The following SLCO3A1 variants were observed in gnomAD, a reference collection of about 807,000 sequenced individuals.
SLCO3A1 encodes PGE1 transporter.
In SLCO3A1, 27 loss-of-function variants were observed where a neutral mutation model predicts 63.1. The ratio of observed to expected loss-of-function variants is 0.43; its 90% CI spans 0.32 to 0.59. The LOEUF is 0.59. Ranked by LOEUF, SLCO3A1 falls within the 20% of genes least tolerant of loss-of-function variation. The pLI is 0.09. For synonymous variants in SLCO3A1, 473 were observed against 409.9 expected (o/e 1.15, Z -1.86); for missense variants, 773 against 945.8 (o/e 0.82, Z 2.40).
chr15:92,053,968 G>T (rs1457671589), intron 2 of SLCO3A1, among the ~76,000 whole-genome samples: 1 of 152,116 alleles, frequency 6.6e-6, no homozygotes, highest in Non-Finnish European at 1.5e-5. Flanking sequence ...CTTGAGAGTG[G>T]CACATCTACA....
At chr15:92,117,602 G>A (rs1836934397) in intron 4 of SLCO3A1, among the ~76,000 whole-genome samples, 1 of 152,034 alleles carries the variant, frequency 6.6e-6, no homozygotes, top group Non-Finnish European at 1.5e-5. Context: ...TCATTACAAG[G>A]AGGCGCTGTT....
At chr15:92,037,028 G>A (rs1462119436) in intron 2 of SLCO3A1, among the ~76,000 whole-genome samples, 3 of 152,154 alleles carry the variant, frequency 2.0e-5, no homozygotes, top group Admixed American at 6.5e-5. Context: ...TGAGTGCTGA[G>A]TATACAGAAG....
At chr15:92,072,844 C>A (rs1281170077) in intron 2 of SLCO3A1, among the ~76,000 whole-genome samples, 1 of 152,184 alleles carries the variant, frequency 6.6e-6, no homozygotes, top group South Asian at 2.1e-4. Flanking sequence ...AGATCCTTAA[C>A]TTAATTACAT....
At chr15:91,928,546 AC>A (rs1196357654) in intron 2 of SLCO3A1, among the ~76,000 whole-genome samples, 5 of 152,138 alleles carry the variant, frequency 3.3e-5, no homozygotes, top group African/African-American at 1.2e-4. Context: ...ATAATATAGG[AC>A]CCCAAGAATG....
intron 4 of SLCO3A1, among the ~76,000 whole-genome samples, chr15:92,106,125 T>C (rs2047664618): frequency 6.6e-6 from 1 of 152,246 alleles, no homozygotes; most frequent in Non-Finnish European, 1.5e-5. Context: ...TCGTACCTGT[T>C]AGTCCATGAG....
chr15:92,084,000 T>C (rs1317268738), intron 2 of SLCO3A1, among the ~76,000 whole-genome samples: 1 of 152,234 alleles, frequency 6.6e-6, no homozygotes, highest in Non-Finnish European at 1.5e-5. Flanking sequence ...TCTTGGCCAC[T>C]GTGTTATTCT....
intron 4 of SLCO3A1, among the ~76,000 whole-genome samples, chr15:92,119,994 TACAC>T (rs1186788090): frequency 6.6e-6 from 1 of 151,720 alleles, no homozygotes; most frequent in Non-Finnish European, 1.5e-5. Context: ...TATATTTTCT[TACAC>T]ATATATATAT....
intron 2 of SLCO3A1, among the ~76,000 whole-genome samples, chr15:92,049,447 G>T (rs2046930560): frequency 6.6e-6 from 1 of 152,174 alleles, no homozygotes; most frequent in Non-Finnish European, 1.5e-5. Flanking sequence ...TCTTGCAACT[G>T]ACCCTAAGCT....
In SLCO3A1 at chr15:92,163,520, C is replaced by G; in HGVS notation, c.*385C>G. ...ACACATACACATACAAAACAGAAAA[C>G]ATTTTTTAAAAGAAGTTTCCTAAAA... On this transcript the variant is annotated 3_prime_UTR_variant, in exon 10 of 10. Coordinates refer to ENST00000318445, the MANE Select transcript of SLCO3A1 (RefSeq NM_013272.4). 1.0e-6 allele frequency: 1 copy of G among 981,858 alleles called. No homozygotes were observed. Among genetic ancestry groups the G allele is most frequent in the Non-Finnish European group, 1.2e-6 (1 of 829,572 alleles). 60.8% of individuals were successfully genotyped at this position (981,858 alleles called of 1,614,324 possible). A position where few individuals can be genotyped will look rare whatever the true frequency, so the allele number is the denominator to read the frequency against.
rs1233027391 is a variant in SLCO3A1, at chr15:91,875,071, C to T, written c.180+20983C>T. ...CACTCCACATGAAACAGACATTTGC[C>T]GCCTTGAAGTTGGCAGACAGTCTGT... is the stretch of plus-strand genomic sequence containing the variant. On this transcript the variant is annotated intron_variant, in intron 1 of 9. Transcript: ENST00000318445. The surrounding 1 kb of genome is among the most constrained non-coding windows in gnomAD (Gnocchi z 4.5). Among the ~76,000 whole-genome samples, 5 of 152,152 alleles carry T rather than the reference C, an allele frequency of 3.3e-5. No homozygotes were observed. Among genetic ancestry groups the T allele is most frequent in the Non-Finnish European group, 2.9e-5 (2 of 68,028 alleles).
Position 91,916,528 on chromosome 15 carries a change from G to A in SLCO3A1, c.646+70G>A, listed in dbSNP as rs750101365. On this transcript the variant is annotated intron_variant, in intron 2 of 9. Transcript: ENST00000318445. This position sits in a 1 kb window ranked among gnomAD's most constrained non-coding sequence, Gnocchi z 6.2. ...GACCATGGATAAAAGGTGGCCTGGTGGACTTTGATTTTGCCAGAGTACTGG... is the reference window on the plus strand; with the variant it reads ...GACCATGGATAAAAGGTGGCCTGGTAGACTTTGATTTTGCCAGAGTACTGG... The A allele has an allele frequency of 5.7e-5, 69 of 1,215,030 alleles. No individual in the cohort carries two copies. Among genetic ancestry groups the A allele is most frequent in the Non-Finnish European group, 7.7e-5 (67 of 871,878 alleles). The allele number at this position is 1,215,030 out of a possible 1,614,324, so 75.3% of individuals were successfully genotyped here.
rs182097237 is a variant in SLCO3A1, at chr15:91,899,383, A to G, written c.181-16610A>G. 8.8e-4 allele frequency among the ~76,000 whole-genome samples: 134 copies of G among 152,156 alleles called. 1 individual carries two copies. Among genetic ancestry groups the G allele is most frequent in the Non-Finnish European group, 1.0e-4 (7 of 67,996 alleles). On this transcript the variant is annotated intron_variant, in intron 1 of 9. Coordinates refer to ENST00000318445, the MANE Select transcript of SLCO3A1 (RefSeq NM_013272.4). ...CACCAACTGTCCCCCTGCCTTTTCCACTTTGATGCATTTGCTTATTGAGTG... is the reference window on the plus strand; with the variant it reads ...CACCAACTGTCCCCCTGCCTTTTCCGCTTTGATGCATTTGCTTATTGAGTG...
chr15:92,010,668 C>G (rs2046359353), intron 2 of SLCO3A1, among the ~76,000 whole-genome samples: 1 of 152,114 alleles, frequency 6.6e-6, no homozygotes, highest in Non-Finnish European at 1.5e-5. Flanking sequence ...TTGTTGATGT[C>G]AGTGGGGATC....
At chr15:92,105,913 G>A (rs200789380) in intron 4 of SLCO3A1, among the ~76,000 whole-genome samples, 9 of 151,984 alleles carry the variant, frequency 5.9e-5, no homozygotes, top group East Asian at 3.9e-4. Flanking sequence ...AACAATGTGC[G>A]CCTTCTATAG....
At chr15:92,060,735 G>C (rs1297427684) in intron 2 of SLCO3A1, among the ~76,000 whole-genome samples, 3 of 152,228 alleles carry the variant, frequency 2.0e-5, no homozygotes, top group South Asian at 4.1e-4. Flanking sequence ...CCTGAGCTCA[G>C]GCAATCTGCC....
In SLCO3A1 at chr15:92,120,540, T is replaced by C. The variant is rs2047851013; in HGVS notation, c.1085T>C (p.Ile362Thr). The change falls in exon 5 of 10, where the codon ATT (isoleucine) becomes ACT (threonine). Residue 362 changes from isoleucine to threonine, a missense_variant. Ile to Thr is a moderately conservative substitution (Grantham distance 89). Coordinates refer to ENST00000318445, the MANE Select transcript of SLCO3A1 (RefSeq NM_013272.4). ...ATCATCCTGGCCGCCTGCATGGAGA[T>C]TGCAGTGGTGGCTGGCTTCGCTGCC... is the stretch of plus-strand genomic sequence containing the variant. Reference protein sequence around the residue: ...TCIILAACMEIAVVAGFAAFL... With the variant: ...TCIILAACMETAVVAGFAAFL... 1.2e-6 allele frequency: 2 copies of C among 1,614,064 alleles called. No individual in the cohort carries two copies. Among genetic ancestry groups the C allele is most frequent in the South Asian group, 1.1e-5 (1 of 91,080 alleles).
intron 2 of SLCO3A1, among the ~76,000 whole-genome samples, chr15:91,917,576 G>A (rs1490743191): frequency 6.6e-6 from 1 of 152,158 alleles, no homozygotes; most frequent in Non-Finnish European, 1.5e-5. Flanking sequence ...CTCTGGGCAG[G>A]AAAGATGGAA....
intron 2 of SLCO3A1, among the ~76,000 whole-genome samples, chr15:92,000,218 T>C (rs2046237015): frequency 6.6e-6 from 1 of 152,134 alleles, no homozygotes. Flanking sequence ...ATACAAAACA[T>C]GTATATTTAC....
chr15:91,993,956 A>G (rs1406331706), intron 2 of SLCO3A1, among the ~76,000 whole-genome samples: 1 of 152,174 alleles, frequency 6.6e-6, no homozygotes, highest in Non-Finnish European at 1.5e-5. Context: ...CAGCCATGAA[A>G]AGAAGCCCCC....
Sources: gnomAD v4.1 joint callset for allele counts (sites outside exome capture counted in the v4.1 genomes callset) on GRCh38, gnomAD v4.1.1 for gene constraint, Gnocchi (gnomAD v3.1) non-coding constraint, MANE v1.5 for transcripts, NCBI Gene and HGNC (gene_info 2026-07-23, HGNC 2026-07-21) for gene names.